Variants in MMD2 observed in about 807,000 individuals in gnomAD.
The protein encoded by MMD2 is monocyte to macrophage differentiation associated 2, also known as monocyte to macrophage differentiation factor 2.
In MMD2, 30 loss-of-function variants were observed where a neutral mutation model predicts 33.5. The observed-to-expected ratio is 0.90, with a 90% CI of 0.67 to 1.22. The LOEUF is 1.22. Among genes scored for constraint, MMD2 ranks in the 50% most tolerant of loss-of-function variants. MMD2 has a pLI of 0.00. For missense variants in MMD2, 364 were observed against 325.4 expected (o/e 1.12, Z -0.91); for synonymous variants, 129 against 123.0 (o/e 1.05, Z -0.32).
At chr7:4,892,408 T>G in the MMD2 span, among the ~76,000 whole-genome samples, 2 of 151,896 alleles carry the variant, frequency 1.3e-5, no homozygotes, top group East Asian at 3.9e-4. Flanking sequence ...GCCTACATGG[T>G]GAAACTCCGT....
the MMD2 span, among the ~76,000 whole-genome samples, chr7:4,898,360 C>G: frequency 6.6e-6 from 1 of 152,210 alleles, no homozygotes; most frequent in Admixed American, 6.5e-5. Flanking sequence ...TGATTACCAA[C>G]AACTATGGCT....
chr7:4,907,188 TAATTTCTCC>T lies in MMD2; in HGVS notation c.*199_*207del, dbSNP rs1249752595. The T allele has an allele frequency of 3.1e-5, 18 of 578,752 alleles. No homozygotes were observed. The highest frequency in any genetic ancestry group is 5.6e-5 in the African/African-American group (3 of 53,406). The allele number at this position is 578,752 out of a possible 1,614,324, so 35.9% of individuals were successfully genotyped here. A position where few individuals can be genotyped will look rare whatever the true frequency, so the allele number is the denominator to read the frequency against. ...CTAAAATAGAAACACATTACAGGGTTAATTTCTCCTCTGTAAGAATGGCTAAATGCTTTC... is the reference window on the plus strand; with the variant it reads ...CTAAAATAGAAACACATTACAGGGTTTCTGTAAGAATGGCTAAATGCTTTC... On this transcript the variant is annotated 3_prime_UTR_variant, in exon 7 of 7. Transcript: ENST00000401401.
At chr7:4,942,285 G>C (rs1171078578) in intron 1 of MMD2, among the ~76,000 whole-genome samples, 1 of 138,730 alleles carries the variant, frequency 7.2e-6, no homozygotes, top group Admixed American at 6.9e-5. Flanking sequence ...CTGTAGAGAT[G>C]GGGGGGGTCT....
chr7:4,956,335 A>G (rs1227499128), intron 1 of MMD2, among the ~76,000 whole-genome samples: 1 of 151,974 alleles, frequency 6.6e-6, no homozygotes, highest in Non-Finnish European at 1.5e-5. Context: ...CTGAGACAGG[A>G]GAATCATGTT....
chr7:4,945,480 C>G (rs946755898), intron 1 of MMD2, among the ~76,000 whole-genome samples: 1 of 151,732 alleles, frequency 6.6e-6, no homozygotes, highest in Non-Finnish European at 1.5e-5. Context: ...GTTGGCCAGG[C>G]TGTTATTGAA....
intron 1 of MMD2, among the ~76,000 whole-genome samples, chr7:4,928,140 G>GC (rs1785482317): frequency 6.6e-6 from 1 of 152,170 alleles, no homozygotes; most frequent in Non-Finnish European, 1.5e-5. Flanking sequence ...CCAAGCAGCA[G>GC]CCACCCAATG....
At chr7:4,941,608 C>T (rs1396965479) in intron 1 of MMD2, among the ~76,000 whole-genome samples, 1 of 142,580 alleles carries the variant, frequency 7.0e-6, no homozygotes, top group Non-Finnish European at 1.5e-5. Flanking sequence ...CCAGCCTGGA[C>T]GACAGAGTGA....
At position 4,906,390 on chromosome 7, in the gene MMD2, T is replaced by C. The variant is rs1213673825; in HGVS notation, c.*1006A>G. ...ATGTGCCTTCTGTTTGGGGTACACC[T>C]GAGTAGCCTCTAACAGCCACTGATT... On this transcript the variant is annotated 3_prime_UTR_variant, in exon 7 of 7. Transcript: ENST00000401401. 7.5e-6 allele frequency: 3 copies of C among 397,966 alleles called. No individual in the cohort carries two copies. The highest frequency in any genetic ancestry group is 4.4e-5 in the Admixed American group (1 of 22,686). 24.7% of individuals were successfully genotyped at this position (397,966 alleles called of 1,614,324 possible).
At chr7:4,953,707 G>A (rs191132878) in intron 1 of MMD2, among the ~76,000 whole-genome samples, 81 of 152,200 alleles carry the variant, frequency 5.3e-4, no homozygotes, top group African/African-American at 1.9e-3. Flanking sequence ...CTGACCTCAG[G>A]TGATCCACCT....
chr7:4,903,612 G>C (rs932164795), downstream of MMD2, among the ~76,000 whole-genome samples: 4 of 152,230 alleles, frequency 2.6e-5, no homozygotes, highest in African/African-American at 7.2e-5. Context: ...TTACAGAGAA[G>C]TCCTCCCAGG....
intron 6 of MMD2, among the ~76,000 whole-genome samples, chr7:4,909,224 C>T (rs1784943873): frequency 6.6e-6 from 1 of 151,978 alleles, no homozygotes; most frequent in Non-Finnish European, 1.5e-5. Flanking sequence ...CACGGTAGCT[C>T]ATGCCTGTAA....
the MMD2 span, among the ~76,000 whole-genome samples, chr7:4,898,449 G>C: frequency 1.3e-5 from 2 of 152,192 alleles, no homozygotes; most frequent in African/African-American, 4.8e-5. Context: ...TCATTTGGTG[G>C]GTTGCAACCA....
In MMD2 at chr7:4,925,511, AG is replaced by A; in HGVS notation, c.68del (p.Pro23LeufsTer93). On this transcript the variant is annotated frameshift_variant, in exon 2 of 7. Transcript: ENST00000401401. LOFTEE classifies it high-confidence loss of function. ...CTGTGGGCTGGTACCTCTTGTGGGC[AG>A]GGACTCGGTGGTTCATGAACCTGGA... ...KYARFMNHRV[P>X]AHKRYQPTEY... 6.3e-7 allele frequency: 1 copy of A among 1,577,300 alleles called. No individual in the cohort carries two copies. The highest frequency in any genetic ancestry group is 1.8e-5 in the Admixed American group (1 of 56,640).
At chr7:4,915,069 T>A (rs1785106700) in intron 4 of MMD2, among the ~76,000 whole-genome samples, 1 of 152,040 alleles carries the variant, frequency 6.6e-6, no homozygotes. Flanking sequence ...GGCCAGGAGT[T>A]CAAGACCAGC....
chr7:4,909,850 G>A (rs1388926314), intron 6 of MMD2, 31 bp downstream of exon 6: 9 of 1,594,094 alleles, frequency 5.6e-6, no homozygotes, highest in Admixed American at 3.6e-5. Context: ...CTCTTGCAGG[G>A]ACTCATCTAT....
chr7:4,959,041 GC>G lies in MMD2; in HGVS notation c.-25del, dbSNP rs1292121931. Reference sequence around the variant, plus strand: ...ATCGCGGCGCTTCCATGGGAATCTGGCCCCGGGCTCAGAGCGCGGGTAGCTG... The same window carrying G: ...ATCGCGGCGCTTCCATGGGAATCTGGCCCGGGCTCAGAGCGCGGGTAGCTG... On this transcript the variant is annotated 5_prime_UTR_variant, in exon 1 of 7. Coordinates refer to ENST00000401401, the MANE Select transcript of MMD2 (RefSeq NM_198403.4). The G allele has an allele frequency of 8.0e-7, 1 of 1,256,088 alleles. No individual in the cohort carries two copies. The highest frequency in any genetic ancestry group is 1.0e-6 in the Non-Finnish European group (1 of 992,280). The allele number at this position is 1,256,088 out of a possible 1,614,324, so 77.8% of individuals were successfully genotyped here. A position where few individuals can be genotyped will look rare whatever the true frequency, so the allele number is the denominator to read the frequency against.
At position 4,946,032 on chromosome 7, in the gene MMD2, TG is replaced by T. The variant is rs1232536203; in HGVS notation, c.47+12938del. Among the ~76,000 whole-genome samples the T allele has an allele frequency of 6.6e-6, 1 of 152,008 alleles. No individual in the cohort carries two copies. The highest frequency in any genetic ancestry group is 1.5e-5 in the Non-Finnish European group (1 of 67,970). On this transcript the variant is annotated intron_variant, in intron 1 of 6. Transcript: ENST00000401401. This position sits in a 1 kb window ranked among gnomAD's most constrained non-coding sequence, Gnocchi z 5.0. ...GCTGCCTGCTCAGAGAAGATTCCTC[TG>T]GAGACGTACACCTCTCTGGGGCAAA...
At chr7:4,926,359 G>C (rs1785427479) in intron 1 of MMD2, among the ~76,000 whole-genome samples, 1 of 152,176 alleles carries the variant, frequency 6.6e-6, no homozygotes, top group Admixed American at 6.6e-5. Flanking sequence ...TTCCCAAAGT[G>C]CTGGGATTAC....
chr7:4,925,620 C>T, intron 1 of MMD2, 88 bp from the exon 2 acceptor site: 3 of 973,000 alleles, frequency 3.1e-6, no homozygotes, highest in Non-Finnish European at 1.5e-6. Context: ...TTACTTCCTA[C>T]TGGTAGGAAA....
Sources: gnomAD v4.1 joint callset for allele counts (sites outside exome capture counted in the v4.1 genomes callset) on GRCh38, gnomAD v4.1.1 for gene constraint, Gnocchi (gnomAD v3.1) non-coding constraint, MANE v1.5 for transcripts, NCBI Gene and HGNC (gene_info 2026-07-23, HGNC 2026-07-21) for gene names.